STK33: variants seen among roughly 807,000 people sequenced by gnomAD.
The protein encoded by STK33 is serine/threonine-protein kinase 33.
A neutral mutation model predicts 58.0 loss-of-function variants in STK33; 52 were observed. The ratio of observed to expected loss-of-function variants is 0.90; its 90% CI spans 0.72 to 1.13. STK33 has a LOEUF of 1.13. Among genes scored for constraint, STK33 ranks in the 50% most tolerant of loss-of-function variants. STK33 has a pLI of 0.00. For synonymous variants in STK33, 215 were observed against 200.1 expected (o/e 1.07, Z -0.63); for missense variants, 630 against 604.2 (o/e 1.04, Z -0.45).
the STK33 span, among the ~76,000 whole-genome samples, chr11:8,352,291 ATG>A: frequency 1.4e-3 from 210 of 152,302 alleles, 1 homozygote; most frequent in African/African-American, 4.8e-3. Context: ...TGATGCTACC[ATG>A]GACAGAGCTC....
chr11:8,393,436 G>A (rs1179148582), intron 15 of STK33, among the ~76,000 whole-genome samples: 1 of 152,204 alleles, frequency 6.6e-6, no homozygotes, highest in Non-Finnish European at 1.5e-5. Context: ...GAATCCTGCT[G>A]TCATGAGGGA....
intron 11 of STK33, among the ~76,000 whole-genome samples, chr11:8,445,602 T>A (rs556003384): frequency 6.6e-6 from 1 of 152,136 alleles, no homozygotes; most frequent in South Asian, 2.1e-4. Context: ...GGTATTGAAT[T>A]TTATCAAAGG....
At chr11:8,405,464 T>C (rs1408456645) in intron 15 of STK33, among the ~76,000 whole-genome samples, 2 of 152,226 alleles carry the variant, frequency 1.3e-5, no homozygotes, top group East Asian at 1.9e-4. Context: ...GTTTATATAT[T>C]CTGCATGCAA....
At chr11:8,592,448 A>C (rs933511218) in intron 1 of STK33, among the ~76,000 whole-genome samples, 1 of 152,210 alleles carries the variant, frequency 6.6e-6, no homozygotes, top group Non-Finnish European at 1.5e-5. Context: ...TGAAATTAGC[A>C]AAGTTTTTAA....
intron 1 of STK33, among the ~76,000 whole-genome samples, chr11:8,483,997 A>G (rs1950029929): frequency 6.6e-6 from 1 of 152,166 alleles, no homozygotes; most frequent in Non-Finnish European, 1.5e-5. Flanking sequence ...GAGTCTAAAG[A>G]CCCCAAGTTT....
the STK33 span, among the ~76,000 whole-genome samples, chr11:8,374,800 G>A: frequency 2.6e-5 from 4 of 152,120 alleles, no homozygotes; most frequent in African/African-American, 9.7e-5. Flanking sequence ...CAATTACCTC[G>A]CTGTTCTTTT....
chr11:8,444,375 A>T (rs1945143604), intron 11 of STK33, among the ~76,000 whole-genome samples: 1 of 152,172 alleles, frequency 6.6e-6, no homozygotes, highest in Non-Finnish European at 1.5e-5. Context: ...GCTCTAAAAC[A>T]TCAGATTTAT....
intron 1 of STK33, among the ~76,000 whole-genome samples, chr11:8,525,215 T>C (rs974391029): frequency 6.6e-6 from 1 of 152,144 alleles, no homozygotes; most frequent in South Asian, 2.1e-4. Context: ...AAGATCCCAA[T>C]CAAAACTCCA....
At position 8,570,001 on chromosome 11, in the gene STK33, C is replaced by T. The variant is rs1427850291; in HGVS notation, c.-466+24082G>A. On this transcript the variant is annotated intron_variant, in intron 1 of 15. Transcript: ENST00000687296. Reference sequence around the variant, plus strand: ...AGAAAACGAATAGGCAAGCCACGGACTGGGAGAAAATATTCACAATACATA... The same window carrying T: ...AGAAAACGAATAGGCAAGCCACGGATTGGGAGAAAATATTCACAATACATA... 3.9e-5 allele frequency among the ~76,000 whole-genome samples: 6 copies of T among 152,006 alleles called. No homozygotes were observed. In the South Asian group the frequency reaches 6.3e-4, roughly 16 times the overall value.
chr11:8,433,698 GAATAA>G (rs1943688372), intron 14 of STK33, among the ~76,000 whole-genome samples: 1 of 152,120 alleles, frequency 6.6e-6, no homozygotes, highest in East Asian at 1.9e-4. Context: ...CCAGTTGTTA[GAATAA>G]AATCTAGATG....
chr11:8,536,637 C>A (rs932441574), intron 1 of STK33, among the ~76,000 whole-genome samples: 8 of 152,188 alleles, frequency 5.3e-5, no homozygotes, highest in African/African-American at 1.9e-4. Flanking sequence ...TTAGTCAAGT[C>A]TGAACCTAAA....
At chr11:8,518,934 A>G (rs1953094862) in intron 1 of STK33, among the ~76,000 whole-genome samples, 3 of 152,318 alleles carry the variant, frequency 2.0e-5, no homozygotes, top group Admixed American at 2.0e-4. Flanking sequence ...CAGATCAACA[A>G]GACAGAAAGT....
intron 1 of STK33, among the ~76,000 whole-genome samples, chr11:8,521,114 AT>A (rs1383650240): frequency 6.6e-6 from 1 of 151,940 alleles, no homozygotes; most frequent in Non-Finnish European, 1.5e-5. Context: ...TCTTCACAGA[AT>A]TGGAAAAAAC....
intron 6 of STK33, 162 bp from the exon 7 acceptor site, chr11:8,464,984 A>G: frequency 2.3e-6 from 1 of 437,324 alleles, no homozygotes; most frequent in African/African-American, 2.0e-5. Flanking sequence ...TAATAAACAC[A>G]TCTTAATTAA....
chr11:8,539,019 T>C lies in STK33; in HGVS notation c.-466+55064A>G, dbSNP rs143556636. 2.0e-3 allele frequency among the ~76,000 whole-genome samples: 306 copies of C among 152,294 alleles called. 1 individual carries two copies. Among genetic ancestry groups the C allele is most frequent in the African/African-American group, 7.1e-3 (294 of 41,564 alleles). On this transcript the variant is annotated intron_variant, in intron 1 of 15. Coordinates refer to ENST00000687296, the MANE Select transcript of STK33 (RefSeq NM_001352389.2). ...TATTACTGATAATATAAACTGGGTT[T>C]TGTACATTTAAGATTTGTCCAGAAT...
At chr11:8,524,847 AAAT>A (rs1953889940) in intron 1 of STK33, among the ~76,000 whole-genome samples, 1 of 151,870 alleles carries the variant, frequency 6.6e-6, no homozygotes, top group East Asian at 1.9e-4. Flanking sequence ...TGCATCACAA[AAAT>A]AATAATAATA....
Position 8,590,969 on chromosome 11 carries a change from C to T in STK33, c.-466+3114G>A, listed in dbSNP as rs368207910. On this transcript the variant is annotated intron_variant, in intron 1 of 15. Transcript: ENST00000687296. ...AGGGAAGTTATTTCTCAGTATTTAA[C>T]AACTATAGGTGTTTGAAGTACTACA... Among the ~76,000 whole-genome samples the T allele has an allele frequency of 1.1e-4, 16 of 152,202 alleles. No homozygotes were observed. The East Asian group carries it at 3.1e-3, about 29-fold the overall frequency.
chr11:8,524,543 G>A (rs1477604920), intron 1 of STK33, among the ~76,000 whole-genome samples: 1 of 152,000 alleles, frequency 6.6e-6, no homozygotes, highest in Non-Finnish European at 1.5e-5. Context: ...TAATTATCCA[G>A]GAAATGCAAA....
At chr11:8,401,077 C>A (rs185408821) in intron 15 of STK33, among the ~76,000 whole-genome samples, 16,149 of 152,094 alleles carry the variant, frequency 0.11, 974 homozygotes, top group African/African-American at 0.14. Flanking sequence ...CCATACCCAT[C>A]AAGCTACCAA....
Sources: gnomAD v4.1 joint callset for allele counts (sites outside exome capture counted in the v4.1 genomes callset) on GRCh38, gnomAD v4.1.1 for gene constraint, MANE v1.5 for transcripts, NCBI Gene and HGNC (gene_info 2026-07-23, HGNC 2026-07-21) for gene names.